Variants in PCGF5 observed in about 807,000 individuals in gnomAD.
PCGF5 encodes polycomb group RING finger protein 5.
A neutral mutation model predicts 44.3 loss-of-function variants in PCGF5; 9 were observed. The observed-to-expected ratio is 0.20, with a 90% CI of 0.12 to 0.35. PCGF5 has a LOEUF of 0.35. Among genes scored for constraint, PCGF5 ranks in the 10% least tolerant of loss-of-function variants. The pLI is 1.00. For missense variants in PCGF5, 146 were observed against 305.3 expected, an observed-to-expected ratio of 0.48 and a Z score of 3.89; for synonymous variants, 95 against 102.5, an observed-to-expected ratio of 0.93 and a Z score of 0.44.
intron 1 of PCGF5, among the ~76,000 whole-genome samples, chr10:91,200,444 G>A (rs540105462): frequency 1.1e-4 from 16 of 152,312 alleles, no homozygotes; most frequent in Admixed American, 3.3e-4. Flanking sequence ...TGGGAAGTGC[G>A]CATATATGTT....
At chr10:91,228,701 G>A (rs1303416527) in intron 2 of PCGF5, among the ~76,000 whole-genome samples, 1 of 152,130 alleles carries the variant, frequency 6.6e-6, no homozygotes, top group Non-Finnish European at 1.5e-5. Flanking sequence ...AAGTACTTAA[G>A]GTACAGAAAA....
intron 6 of PCGF5, among the ~76,000 whole-genome samples, chr10:91,260,126 C>T (rs1845860699): frequency 6.6e-6 from 1 of 151,178 alleles, no homozygotes; most frequent in Non-Finnish European, 1.5e-5. Context: ...CAAGAAAAAA[C>T]AACCCCATCA....
At chr10:91,171,066 G>T (rs1843595607) in intron 1 of PCGF5, among the ~76,000 whole-genome samples, 1 of 152,186 alleles carries the variant, frequency 6.6e-6, no homozygotes, top group South Asian at 2.1e-4. Context: ...AAAGATCAGT[G>T]GTTGCCAAGG....
rs565762391 is a variant in PCGF5, at chr10:91,202,556, C to T, written c.-183-20133C>T. On this transcript the variant is annotated intron_variant, in intron 1 of 9. Coordinates refer to the PCGF5 transcript ENST00000614189. ...TGAGTAGTCATTGCATAGTAGTCAT[C>T]GTTACTGTTAATTATTAAGAGTCTA... Among the ~76,000 whole-genome samples the T allele has an allele frequency of 5.9e-5, 9 of 152,184 alleles. No individual in the cohort carries two copies. In the East Asian group the frequency reaches 9.6e-4, roughly 16 times the overall value.
At chr10:91,262,883 C>A (rs1037528866) in intron 7 of PCGF5, among the ~76,000 whole-genome samples, 3 of 152,134 alleles carry the variant, frequency 2.0e-5, no homozygotes, top group African/African-American at 7.2e-5. Context: ...ACGCAAAATA[C>A]CATGTATGGT....
intron 1 of PCGF5, among the ~76,000 whole-genome samples, chr10:91,179,304 G>C (rs1208406784): frequency 6.6e-6 from 1 of 152,136 alleles, no homozygotes. Flanking sequence ...CAGAGTGGCT[G>C]TCAGGGAGCC....
At chr10:91,220,991 G>A (rs1844659286) in intron 1 of PCGF5, among the ~76,000 whole-genome samples, 155 bp downstream of exon 1, 1 of 151,978 alleles carries the variant, frequency 6.6e-6, no homozygotes, top group African/African-American at 2.4e-5. Context: ...CGACCCGGGC[G>A]GGGGCTTCGG....
upstream of PCGF5, among the ~76,000 whole-genome samples, chr10:91,216,775 G>T (rs191205612): frequency 2.8e-3 from 424 of 152,270 alleles, 1 homozygote; most frequent in Admixed American, 5.1e-3. Flanking sequence ...AGGGTGATTG[G>T]AAGTTCTCTT....
rs541421438 is a variant in PCGF5 at position 91,249,789 on chromosome 10, C to A, written c.325+1065C>A. Among the ~76,000 whole-genome samples the A allele has an allele frequency of 1.7e-3, 254 of 151,776 alleles. 1 individual carries two copies. Among genetic ancestry groups the A allele is most frequent in the African/African-American group, 5.6e-3 (233 of 41,422 alleles). On this transcript the variant is annotated intron_variant, in intron 5 of 9. Transcript: ENST00000336126. ...TATTTTTTATCTGTAACAACAACAA[C>A]AAAAAAATGGCAAAGAAGCTAAGCC...
intron 2 of PCGF5, among the ~76,000 whole-genome samples, chr10:91,225,188 G>A (rs933198592): frequency 6.9e-6 from 1 of 145,600 alleles, no homozygotes. Flanking sequence ...ATAAGCAAAG[G>A]GATATATATA....
chr10:91,167,580 T>C (rs1433484068), intron 1 of PCGF5, among the ~76,000 whole-genome samples: 1 of 152,142 alleles, frequency 6.6e-6, no homozygotes, highest in Non-Finnish European at 1.5e-5. Flanking sequence ...TTGAGAAGAA[T>C]GTGGTTAAAC....
chr10:91,185,016 C>A (rs1202535593), intron 1 of PCGF5, among the ~76,000 whole-genome samples: 2 of 152,182 alleles, frequency 1.3e-5, no homozygotes, highest in African/African-American at 4.8e-5. Context: ...CTTACAGAAG[C>A]AGTTTGGCCA....
chr10:91,253,945 C>T (rs1264809774), intron 6 of PCGF5, among the ~76,000 whole-genome samples: 1 of 152,014 alleles, frequency 6.6e-6, no homozygotes, highest in Non-Finnish European at 1.5e-5. Flanking sequence ...TTCAATAAAA[C>T]ATTACTTACA....
chr10:91,199,990 G>A lies in PCGF5; in HGVS notation c.-183-22699G>A, dbSNP rs781729575. On this transcript the variant is annotated intron_variant, in intron 1 of 9. Coordinates refer to the PCGF5 transcript ENST00000614189. ...GCTGTGGGCAACTGGAGCTCAATCC[G>A]TTTAAGGAACTCTAGGAACTAGTCT... is the stretch of plus-strand genomic sequence containing the variant. 6.6e-5 allele frequency among the ~76,000 whole-genome samples: 10 copies of A among 152,144 alleles called. No homozygotes were observed. In the East Asian group the frequency reaches 1.3e-3, roughly 20 times the overall value.
chr10:91,184,514 A>G (rs1843882471), intron 1 of PCGF5, among the ~76,000 whole-genome samples: 1 of 152,170 alleles, frequency 6.6e-6, no homozygotes, highest in African/African-American at 2.4e-5. Context: ...CCTTTAGCTC[A>G]GAAAGTTTGG....
chr10:91,273,245 C>T (rs967005128), intron 9 of PCGF5, among the ~76,000 whole-genome samples: 1 of 152,126 alleles, frequency 6.6e-6, no homozygotes, highest in African/African-American at 2.4e-5. Flanking sequence ...TTGTGTATAT[C>T]CGAGGTGTAT....
chr10:91,261,572 T>C, intron 7 of PCGF5, 148 bp downstream of exon 7: 1 of 1,068,338 alleles, frequency 9.4e-7, no homozygotes, highest in African/African-American at 1.6e-5. Flanking sequence ...TTTCAGAATG[T>C]ATTATTCTAC....
chr10:91,160,146 C>T (rs978663441), upstream of PCGF5, among the ~76,000 whole-genome samples: 1 of 152,120 alleles, frequency 6.6e-6, no homozygotes, highest in Non-Finnish European at 1.5e-5. Context: ...AATACCCTTC[C>T]TCCATTTCCA....
intron 1 of PCGF5, among the ~76,000 whole-genome samples, chr10:91,176,219 A>C (rs1843703958): frequency 6.6e-6 from 1 of 152,098 alleles, no homozygotes; most frequent in African/African-American, 2.4e-5. Context: ...TCTTTTCTTT[A>C]AGAATGTTGA....
Sources: allele counts gnomAD v4.1 joint callset (sites outside exome capture counted in the v4.1 genomes callset), GRCh38; gene constraint gnomAD v4.1.1; transcripts MANE v1.5; gene names NCBI Gene and HGNC (gene_info 2026-07-23, HGNC 2026-07-21).